PEX26: variants seen among roughly 807,000 people sequenced by gnomAD.
PEX26 encodes peroxisome assembly protein 26.
A neutral mutation model predicts 31.4 loss-of-function variants in PEX26; 18 were observed. The observed-to-expected ratio is 0.57, with a 90% CI of 0.40 to 0.85. The LOEUF (loss-of-function observed/expected upper bound fraction) is 0.85. Among genes scored for constraint, PEX26 ranks in the 40% least tolerant of loss-of-function variants. PEX26 has a pLI of 0.00. For missense variants in PEX26, 377 were observed against 383.9 expected (o/e 0.98, Z 0.15); for synonymous variants, 176 against 166.9 (o/e 1.05, Z -0.42).
In PEX26 at chr22:18,102,209, C is replaced by T. The variant is rs954994698; in HGVS notation, c.*14134C>T. 4 of 152,260 alleles carry T rather than the reference C, an allele frequency of 2.6e-5. No homozygotes were observed. The highest frequency in any genetic ancestry group is 2.6e-4 in the Admixed American group (4 of 15,280). 9.4% of individuals were successfully genotyped at this position (152,260 alleles called of 1,614,324 possible). A position where few individuals can be genotyped will look rare whatever the true frequency, so the allele number is the denominator to read the frequency against. The stretch of plus-strand genomic sequence containing the variant: ...TGGAATGCTGGGCATGGGTTTGCCC[C>T]ACAGCAGTCTGATTCAAAAGCACCT... On this transcript the variant is annotated 3_prime_UTR_variant, in exon 5 of 5. Transcript: ENST00000399744.
At position 18,095,029 on chromosome 22, in the gene PEX26, C is replaced by T. The variant is rs1376796050; in HGVS notation, c.*6954C>T. 4 of 152,160 alleles carry T rather than the reference C, an allele frequency of 2.6e-5. No individual in the cohort carries two copies. The highest frequency in any genetic ancestry group is 9.7e-5 in the African/African-American group (4 of 41,408). 9.4% of individuals were successfully genotyped at this position (152,160 alleles called of 1,614,324 possible). A position where few individuals can be genotyped will look rare whatever the true frequency, so the allele number is the denominator to read the frequency against. Reference sequence around the variant, plus strand: ...ATTTCTGTTCTTATCTCCCCCATAGCACCTGGAATGAGGCCATCCATGTAA... The same window carrying T: ...ATTTCTGTTCTTATCTCCCCCATAGTACCTGGAATGAGGCCATCCATGTAA... On this transcript the variant is annotated 3_prime_UTR_variant, in exon 5 of 5. Coordinates refer to ENST00000399744, the MANE Select transcript of PEX26 (RefSeq NM_001127649.3).
At position 18,096,803 on chromosome 22, in the gene PEX26, G is replaced by C. The variant is rs1017633526; in HGVS notation, c.*8728G>C. 6.6e-6 allele frequency: 1 copy of C among 152,152 alleles called. No individual in the cohort carries two copies. Among genetic ancestry groups the C allele is most frequent in the Admixed American group, 6.6e-5 (1 of 15,266 alleles). 9.4% of individuals were successfully genotyped at this position (152,152 alleles called of 1,614,324 possible). ...TTCTAAATATGCAATACATTCATAGGGTTTTTGAAAAGGCTTGAAAAAGTC... is the reference window on the plus strand; with the variant it reads ...TTCTAAATATGCAATACATTCATAGCGTTTTTGAAAAGGCTTGAAAAAGTC... On this transcript the variant is annotated 3_prime_UTR_variant, in exon 5 of 5. Transcript: ENST00000399744.
intron 2 of PEX26, among the ~76,000 whole-genome samples, chr22:18,080,931 C>T (rs907473857): frequency 6.6e-6 from 1 of 151,966 alleles, no homozygotes; most frequent in African/African-American, 2.4e-5. Flanking sequence ...TCCCGTCTTC[C>T]TTTTCTTCCT....
At chr22:18,082,384 T>A (rs1337912588) in intron 2 of PEX26, among the ~76,000 whole-genome samples, 1 of 152,196 alleles carries the variant, frequency 6.6e-6, no homozygotes, top group Non-Finnish European at 1.5e-5. Context: ...GAGTTAATTT[T>A]TGTATGTGGG....
At chr22:18,084,404 C>A (rs764017421) in intron 3 of PEX26, among the ~76,000 whole-genome samples, 1 of 152,132 alleles carries the variant, frequency 6.6e-6, no homozygotes, top group African/African-American at 2.4e-5. Flanking sequence ...GCCACCACAC[C>A]TGGCTAATTT....
rs995391643 is a variant in PEX26 at position 18,096,899 on chromosome 22, T to C, written c.*8824T>C. 2 of 152,208 alleles carry C rather than the reference T, an allele frequency of 1.3e-5. No individual in the cohort carries two copies. Among genetic ancestry groups the C allele is most frequent in the Non-Finnish European group, 2.9e-5 (2 of 68,060 alleles). The allele number at this position is 152,208 out of a possible 1,614,324, so 9.4% of individuals were successfully genotyped here. ...AGAAGTATCAGAGACTGGGTAATTGTTGAAGAAAAGAGGTTTAACTGACTC... is the reference window on the plus strand; with the variant it reads ...AGAAGTATCAGAGACTGGGTAATTGCTGAAGAAAAGAGGTTTAACTGACTC... On this transcript the variant is annotated 3_prime_UTR_variant, in exon 5 of 5. Transcript: ENST00000399744.
chr22:18,078,645 C>G (rs1926411605), intron 1 of PEX26, 39 bp downstream of exon 1: 1 of 1,559,148 alleles, frequency 6.4e-7, no homozygotes, highest in African/African-American at 1.4e-5. Context: ...TTTCCGGGCG[C>G]TCTTGTGGTG....
At position 18,083,555 on chromosome 22, in the gene PEX26, G is replaced by T; in HGVS notation, c.490G>T (p.Val164Leu). 1.2e-6 allele frequency: 2 copies of T among 1,614,050 alleles called. No individual in the cohort carries two copies. The highest frequency in any genetic ancestry group is 1.3e-5 in the African/African-American group (1 of 75,034). Residue 164 changes from valine (V) to leucine (L), a missense_variant, in exon 3 of 5, where the codon GTG becomes TTG. By Grantham distance (32) the Val-to-Leu change is conservative. Transcript: ENST00000399744. ...ATATGGAGCCTTGGCAGAATTTCAC[G>T]TGCAGCGGGTGCTGCTGCCTCTGGG... Reference protein sequence around the residue: ...PEYGALAEFHVQRVLLPLGCL... With the variant: ...PEYGALAEFHLQRVLLPLGCL...
In PEX26 at chr22:18,078,603, G is replaced by A. The variant is rs751562812; in HGVS notation, c.227G>A (p.Gly76Asp). 2 of 1,598,596 alleles carry A rather than the reference G, an allele frequency of 1.3e-6. No homozygotes were observed. Among genetic ancestry groups the A allele is most frequent in the Admixed American group, 1.7e-5 (1 of 58,732 alleles). Reference protein sequence around the residue: ...ANHAVAEEPAGTSLEVKCSLC... With the variant: ...ANHAVAEEPADTSLEVKCSLC... ...CACGCCGTGGCAGAGGAACCCGCGG[G>A]CACGTACGTGCTGGGCTCGGAAATG... The change falls in exon 1 of 5, where the codon GGC becomes GAC. Residue 76 changes from glycine to aspartate, a missense_variant. By Grantham distance (94) the Gly-to-Asp change is moderately conservative. Coordinates refer to ENST00000399744, the MANE Select transcript of PEX26 (RefSeq NM_001127649.3).
chr22:18,080,111 G>C lies in PEX26; in HGVS notation c.371+97G>C. On this transcript the variant is annotated intron_variant, in intron 2 of 4. Coordinates refer to ENST00000399744, the MANE Select transcript of PEX26 (RefSeq NM_001127649.3). ...TACTCTTTTCCCCTTCCCTACTATTGCCCTCCAGATCGGATTCTTTCCCTT... is the reference window on the plus strand; with the variant it reads ...TACTCTTTTCCCCTTCCCTACTATTCCCCTCCAGATCGGATTCTTTCCCTT... 2.2e-6 allele frequency: 3 copies of C among 1,338,270 alleles called. No homozygotes were observed. In the Admixed American group the frequency reaches 5.7e-5, roughly 25 times the overall value. The allele number at this position is 1,338,270 out of a possible 1,614,324, so 82.9% of individuals were successfully genotyped here.
chr22:18,104,893 G>C lies in PEX26; in HGVS notation c.*16818G>C, dbSNP rs1267392880. On this transcript the variant is annotated 3_prime_UTR_variant, in exon 5 of 5. Coordinates refer to ENST00000399744, the MANE Select transcript of PEX26 (RefSeq NM_001127649.3). ...TTGTTTGTGATCCAGTGGCCAAAAT[G>C]GTTCACCCTCAACTTCCCTTAATCC... 6.6e-6 allele frequency: 1 copy of C among 152,156 alleles called. No homozygotes were observed. The highest frequency in any genetic ancestry group is 6.6e-5 in the Admixed American group (1 of 15,246). The allele number at this position is 152,156 out of a possible 1,614,324, so 9.4% of individuals were successfully genotyped here. A position where few individuals can be genotyped will look rare whatever the true frequency, so the allele number is the denominator to read the frequency against.
In PEX26 at chr22:18,098,036, C is replaced by A. The variant is rs1046219846; in HGVS notation, c.*9961C>A. On this transcript the variant is annotated 3_prime_UTR_variant, in exon 5 of 5. Transcript: ENST00000399744. The stretch of plus-strand genomic sequence containing the variant: ...GACCAGCCTGGCCAACATGATGAAA[C>A]CCCATCTCTTCAAAAAATCTAAAAA... 2.6e-5 allele frequency: 4 copies of A among 152,168 alleles called. No homozygotes were observed. Among genetic ancestry groups the A allele is most frequent in the African/African-American group, 9.7e-5 (4 of 41,434 alleles). 9.4% of individuals were successfully genotyped at this position (152,168 alleles called of 1,614,324 possible). A position where few individuals can be genotyped will look rare whatever the true frequency, so the allele number is the denominator to read the frequency against.
In PEX26 at chr22:18,093,177, C is replaced by G. The variant is rs1927171382; in HGVS notation, c.*5102C>G. 6.6e-6 allele frequency: 1 copy of G among 152,168 alleles called. No individual in the cohort carries two copies. Among genetic ancestry groups the G allele is most frequent in the African/African-American group, 2.4e-5 (1 of 41,434 alleles). 9.4% of individuals were successfully genotyped at this position (152,168 alleles called of 1,614,324 possible). ...AAAATTAAGTATCACAAAAGACCAT[C>G]ACACGATTCTACCAATGCATGTTGC... On this transcript the variant is annotated 3_prime_UTR_variant, in exon 5 of 5. Transcript: ENST00000399744.
rs1249225310 is a variant in PEX26 at position 18,097,880 on chromosome 22, A to T, written c.*9805A>T. ...TCAAAGAAGTGGCATGATTTTGATG[A>T]CAATAAAGGACAATATGTAATTAAT... On this transcript the variant is annotated 3_prime_UTR_variant, in exon 5 of 5. Transcript: ENST00000399744. The T allele has an allele frequency of 6.6e-6, 1 of 152,206 alleles. No individual in the cohort carries two copies. The highest frequency in any genetic ancestry group is 1.5e-5 in the Non-Finnish European group (1 of 68,042). The allele number at this position is 152,206 out of a possible 1,614,324, so 9.4% of individuals were successfully genotyped here.
Position 18,088,005 on chromosome 22 carries a change from T to C in PEX26, c.848T>C (p.Leu283Pro). The C allele has an allele frequency of 6.2e-7, 1 of 1,613,804 alleles. No homozygotes were observed. The highest frequency in any genetic ancestry group is 2.2e-5 in the East Asian group (1 of 44,874). Residue 283 changes from leucine (L) to proline (P), a missense_variant, in exon 5 of 5, where the codon CTG becomes CCG. Transcript: ENST00000399744. The surrounding 1 kb of genome is among the most constrained non-coding windows in gnomAD (Gnocchi z 4.1). ...SPSSLHFLYK[L>P]AQLFRWIRKA... Reference sequence around the variant, plus strand: ...TCCTCCCTGCACTTCCTCTACAAGCTGGCCCAGCTCTTCCGCTGGATCCGG... The same window carrying C: ...TCCTCCCTGCACTTCCTCTACAAGCCGGCCCAGCTCTTCCGCTGGATCCGG...
rs1203310627 is a variant in PEX26 at position 18,092,688 on chromosome 22, T to TC, written c.*4613_*4614insC. Reference sequence around the variant, plus strand: ...CTGCAACTCCTGCTTCACAGACTTTTTTTTTTTTTTTAACTTGGCATGGTG... The same window carrying TC: ...CTGCAACTCCTGCTTCACAGACTTTTCTTTTTTTTTTTAACTTGGCATGGTG... On this transcript the variant is annotated 3_prime_UTR_variant, in exon 5 of 5. Transcript: ENST00000399744. 2.6e-5 allele frequency: 4 copies of TC among 151,230 alleles called. No homozygotes were observed. 9.4% of individuals were successfully genotyped at this position (151,230 alleles called of 1,614,324 possible). A position where few individuals can be genotyped will look rare whatever the true frequency, so the allele number is the denominator to read the frequency against.
intron 2 of PEX26, among the ~76,000 whole-genome samples, chr22:18,081,104 C>T (rs1926563954): frequency 6.9e-6 from 1 of 145,530 alleles, no homozygotes; most frequent in African/African-American, 2.5e-5. Flanking sequence ...CCTGTGTTGT[C>T]ATGAATGACA....
At chr22:18,080,425 G>A (rs1926519110) in intron 2 of PEX26, among the ~76,000 whole-genome samples, 1 of 152,178 alleles carries the variant, frequency 6.6e-6, no homozygotes, top group African/African-American at 2.4e-5. Flanking sequence ...CACCTCCCGG[G>A]TTCACACCAT....
chr22:18,081,179 G>T (rs972275558), intron 2 of PEX26, among the ~76,000 whole-genome samples: 1 of 144,832 alleles, frequency 6.9e-6, no homozygotes, highest in African/African-American at 2.6e-5. Context: ...ATATATATGC[G>T]TGTGTGTATA....
Sources: allele counts gnomAD v4.1 joint callset (sites outside exome capture counted in the v4.1 genomes callset), GRCh38; gene constraint gnomAD v4.1.1; non-coding constraint Gnocchi (gnomAD v3.1); transcripts MANE v1.5; gene names NCBI Gene and HGNC (gene_info 2026-07-23, HGNC 2026-07-21).